Variants in FGFR3 observed in about 807,000 individuals in gnomAD.
The protein encoded by FGFR3 is FGFR-3.
FGFR3 carries 25 observed loss-of-function variants against 82.9 expected under a neutral mutation model. The observed-to-expected ratio is 0.30, with a 90% confidence interval of 0.22 to 0.42. The LOEUF (loss-of-function observed/expected upper bound fraction) is 0.42. Ranked by LOEUF, FGFR3 falls within the 10% of genes least tolerant of loss-of-function variation. FGFR3 has a pLI of 1.00. For synonymous variants in FGFR3, 620 were observed against 516.0 expected (o/e 1.20, Z -2.73); for missense variants, 1,026 against 1,161.0 (o/e 0.88, Z 1.69).
chr4:1,797,463 C>T (rs1256726052), intron 2 of FGFR3, among the ~76,000 whole-genome samples: 1 of 152,152 alleles, frequency 6.6e-6, no homozygotes, highest in Non-Finnish European at 1.5e-5. Flanking sequence ...TGGCCTGGGG[C>T]TGCTGTGTCC....
rs200428838 is a variant in FGFR3, at chr4:1,805,746, C to T, written c.1646-4C>T. ...CAGCCCGTCTGAGGAGCCCGTGTCC[C>T]CAGGGCCCCTGTACGTGCTGGTGGA... On this transcript the variant is annotated splice_region_variant and splice_polypyrimidine_tract_variant and intron_variant, in intron 12 of 17. Coordinates refer to ENST00000440486, the MANE Select transcript of FGFR3 (RefSeq NM_000142.5). The T allele has an allele frequency of 8.6e-5, 138 of 1,612,444 alleles. No homozygotes were observed. The African/African-American group carries it at 1.5e-3, about 17-fold the overall frequency.
In FGFR3 at chr4:1,802,056, G is replaced by T. The variant is rs929372163; in HGVS notation, c.930+31G>T. 2.5e-6 allele frequency: 4 copies of T among 1,597,162 alleles called. No individual in the cohort carries two copies. The Admixed American group carries it at 6.9e-5, about 28-fold the overall frequency. On this transcript the variant is annotated intron_variant, in intron 7 of 17. Coordinates refer to ENST00000440486, the MANE Select transcript of FGFR3 (RefSeq NM_000142.5). Reference sequence around the variant, plus strand: ...CCACCGTGTGCACGTGGGTGCCGCCGCTGGGGCTCCTGGGCTGGCCCCAAG... The same window carrying T: ...CCACCGTGTGCACGTGGGTGCCGCCTCTGGGGCTCCTGGGCTGGCCCCAAG...
At chr4:1,803,670 T>C in intron 7 of FGFR3, 22 bp from the exon 8 acceptor site, 1 of 1,612,190 alleles carries the variant, frequency 6.2e-7, no homozygotes, top group Non-Finnish European at 8.5e-7. Flanking sequence ...CGCTCGCCTA[T>C]CGCTCTGCTC....
At chr4:1,798,610 G>A (rs980530737) in intron 2 of FGFR3, among the ~76,000 whole-genome samples, 7 of 137,464 alleles carry the variant, frequency 5.1e-5, no homozygotes, top group Non-Finnish European at 9.2e-5. Context: ...CCCCCAGACC[G>A]TCCACACGGC....
chr4:1,806,211 C>A (rs772097325), intron 14 of FGFR3, 38 bp downstream of exon 14: 1 of 1,612,868 alleles, frequency 6.2e-7, no homozygotes, highest in East Asian at 2.2e-5. Flanking sequence ...GGGGGTCATG[C>A]CAGTAGGACG....
intron 2 of FGFR3, among the ~76,000 whole-genome samples, chr4:1,796,563 CG>C (rs1376464202): frequency 1.3e-5 from 2 of 152,146 alleles, no homozygotes; most frequent in Non-Finnish European, 2.9e-5. Context: ...CAGCCAGCTC[CG>C]GAAGCGAGTC....
At chr4:1,803,895 A>G (rs1721525095) in intron 8 of FGFR3, 59 bp downstream of exon 8, 1 of 1,554,486 alleles carries the variant, frequency 6.4e-7, no homozygotes, top group African/African-American at 1.4e-5. Context: ...GGCTCGGGAC[A>G]CGCCAAAGCT....
chr4:1,806,190 G>T lies in FGFR3; in HGVS notation c.1959+17G>T. ...ACGACCAACGTGAGCCCGGCCCTGGGGTGCGGGGGTGGGGGTCATGCCAGT... is the reference window on the plus strand; with the variant it reads ...ACGACCAACGTGAGCCCGGCCCTGGTGTGCGGGGGTGGGGGTCATGCCAGT... On this transcript the variant is annotated intron_variant, in intron 14 of 17. Coordinates refer to ENST00000440486, the MANE Select transcript of FGFR3 (RefSeq NM_000142.5). The T allele has an allele frequency of 6.2e-7, 1 of 1,612,404 alleles. No homozygotes were observed. Among genetic ancestry groups the T allele is most frequent in the Non-Finnish European group, 8.5e-7 (1 of 1,179,434 alleles).
intron 7 of FGFR3, among the ~76,000 whole-genome samples, chr4:1,802,582 A>G (rs1354586974): frequency 6.6e-6 from 1 of 152,144 alleles, no homozygotes; most frequent in East Asian, 1.9e-4. Flanking sequence ...GGGGGCGGGG[A>G]GCAGGCGCAG....
At chr4:1,806,801 G>A (rs759792405) in intron 16 of FGFR3, 28 bp from the exon 17 acceptor site, 1 of 1,587,446 alleles carries the variant, frequency 6.3e-7, no homozygotes, top group South Asian at 1.1e-5. Context: ...GAAGCGGCGG[G>A]GCTCACTCCT....
intron 7 of FGFR3, 58 bp from the exon 8 acceptor site, chr4:1,803,634 G>C (rs1721481413): frequency 1.3e-6 from 2 of 1,592,878 alleles, no homozygotes; most frequent in South Asian, 2.2e-5. Flanking sequence ...TGTGGACTCT[G>C]TGCGGTGCCC....
At chr4:1,802,822 C>G in intron 7 of FGFR3, 2 of 1,440,944 alleles carry the variant, frequency 1.4e-6, no homozygotes, top group South Asian at 2.9e-5. Flanking sequence ...AGCCCAGCCT[C>G]GATCTGTACC....
At chr4:1,794,076 C>T (rs1720169060) in intron 2 of FGFR3, 33 bp downstream of exon 2, 3 of 1,252,348 alleles carry the variant, frequency 2.4e-6, no homozygotes, top group Non-Finnish European at 3.1e-6. Flanking sequence ...CGGGAGAGGC[C>T]GGCCCGTGCG....
At chr4:1,799,949 CAG>C in intron 4 of FGFR3, 137 bp downstream of exon 4, 4 of 939,706 alleles carry the variant, frequency 4.3e-6, no homozygotes, top group Non-Finnish European at 6.4e-6. Flanking sequence ...CTGGTCCCCT[CAG>C]GATACAGGAG....
rs1721752717 is a variant in FGFR3 at position 1,805,344 on chromosome 4, T to TCATGGTC, written c.1413-10_1413-9insATGGTCC. ...TTTGCACACTCATGGTCCCTCTGCCTCCACTGCCAGGCTGACCCTGGGCAA... is the reference window on the plus strand; with the variant it reads ...TTTGCACACTCATGGTCCCTCTGCCTCATGGTCCCACTGCCAGGCTGACCCTGGGCAA... On this transcript the variant is annotated splice_polypyrimidine_tract_variant and intron_variant, in intron 10 of 17. Transcript: ENST00000440486. 6.2e-7 allele frequency: 1 copy of TCATGGTC among 1,610,866 alleles called. No individual in the cohort carries two copies. The highest frequency in any genetic ancestry group is 8.5e-7 in the Non-Finnish European group (1 of 1,179,870).
Position 1,801,749 on chromosome 4 carries a change from G to A in FGFR3, c.739+6G>A, listed in dbSNP as rs1263769116. 1.2e-6 allele frequency: 2 copies of A among 1,600,566 alleles called. No individual in the cohort carries two copies. The highest frequency in any genetic ancestry group is 1.7e-6 in the Non-Finnish European group (2 of 1,175,452). ...GTACACGCTGGACGTGCTGGGTGAG[G>A]GCCCTGGGGCGGCGCGGGGGTGGGG... On this transcript the variant is annotated splice_donor_region_variant and intron_variant, in intron 6 of 17. Coordinates refer to ENST00000440486, the MANE Select transcript of FGFR3 (RefSeq NM_000142.5).
intron 2 of FGFR3, among the ~76,000 whole-genome samples, chr4:1,798,886 T>C (rs559372782): frequency 7.2e-5 from 11 of 152,326 alleles, no homozygotes; most frequent in African/African-American, 2.6e-4. Context: ...ATGGATTTTA[T>C]GTTTCCAAGC....
At chr4:1,805,309 A>G (rs768737923) in intron 10 of FGFR3, 46 bp from the exon 11 acceptor site, 2 of 1,604,960 alleles carry the variant, frequency 1.2e-6, no homozygotes, top group Non-Finnish European at 1.7e-6. Flanking sequence ...GTGGGCTGAG[A>G]GTGGGCGAGT....
intron 8 of FGFR3, 142 bp downstream of exon 8, chr4:1,803,978 A>G (rs1186808466): frequency 1.8e-5 from 19 of 1,058,620 alleles, no homozygotes; most frequent in South Asian, 9.0e-5. Flanking sequence ...CCCTGTGCCC[A>G]GTGTGGGGAC....
Sources: allele counts gnomAD v4.1 joint callset (sites outside exome capture counted in the v4.1 genomes callset), GRCh38; gene constraint gnomAD v4.1.1; transcripts MANE v1.5; gene names NCBI Gene and HGNC (gene_info 2026-07-23, HGNC 2026-07-21).